TTN: variants seen among roughly 807,000 people sequenced by gnomAD.
TTN encodes titin.
TTN carries 1,525 observed loss-of-function variants against 3,223.0 expected under a neutral mutation model. The observed-to-expected ratio is 0.47, with a 90% CI of 0.45 to 0.49. The LOEUF (loss-of-function observed/expected upper bound fraction) is 0.49, where lower values mean the gene tolerates loss of function less well. Among genes scored for constraint, TTN ranks in the 20% least tolerant of loss-of-function variants. TTN has a pLI of 0.00. For missense variants in TTN, 40,786 were observed against 43,424.0 expected (o/e 0.94, Z 5.40); for synonymous variants, 14,094 against 15,161.0 (o/e 0.93, Z 5.17).
chr2:178,603,653 T>G (rs988623049), intron 282 of TTN, among the ~76,000 whole-genome samples: 2 of 151,992 alleles, frequency 1.3e-5, no homozygotes, highest in Non-Finnish European at 2.9e-5. Flanking sequence ...ATCCAAGAGT[T>G]TACAAACTGT....
intron 42 of TTN, 85 bp downstream of exon 42, chr2:178,764,442 A>T: frequency 6.2e-7 from 1 of 1,611,766 alleles, no homozygotes; most frequent in East Asian, 2.2e-5. Flanking sequence ...ATGAGCTCCA[A>T]ATTGTATTTT....
chr2:178,593,499 G>A (rs376796834), intron 298 of TTN, 24 bp from the exon 299 acceptor site: 59 of 1,599,102 alleles, frequency 3.7e-5, no homozygotes, highest in Middle Eastern at 3.3e-4. Flanking sequence ...TGGAAAATGC[G>A]TTAGAAATTT....
intron 96 of TTN, 98 bp downstream of exon 96, chr2:178,711,846 C>T: frequency 3.5e-6 from 5 of 1,435,820 alleles, no homozygotes; most frequent in Non-Finnish European, 3.7e-6. Context: ...AATTTTAAGC[C>T]TTTGGAAAGA....
At chr2:178,781,923 T>TGTGG (rs2092801682) in intron 20 of TTN, among the ~76,000 whole-genome samples, 1 of 151,882 alleles carries the variant, frequency 6.6e-6, no homozygotes, top group African/African-American at 2.4e-5. Flanking sequence ...TGTGTGTGTG[T>TGTGG]GTGTGTGGGT....
intron 115 of TTN, 40 bp downstream of exon 115, chr2:178,695,307 TG>T: frequency 6.6e-7 from 1 of 1,505,958 alleles, no homozygotes; most frequent in Non-Finnish European, 9.2e-7. Context: ...ATGATAATGA[TG>T]TTGATGCTCT....
rs188878341 is a variant in TTN at position 178,728,975 on chromosome 2, C to G, written c.19063G>C (p.Asp6355His). Reference sequence around the variant, plus strand: ...GTATATCTCCCACTGTGTCCATTATCCACACTTCTGATTTGAAGTGTGGCC... The same window carrying G: ...GTATATCTCCCACTGTGTCCATTATGCACACTTCTGATTTGAAGTGTGGCC... The part of the protein sequence containing the change: ...SVATLQIRSV[D>H]NGHSGRYTCQ... The change falls in exon 65 of 363, where the codon GAT becomes CAT. Residue 6355 changes from aspartate (D) to histidine (H), a missense_variant. Asp to His is a moderately conservative substitution (Grantham distance 81). Transcript: ENST00000589042. 1.2e-6 allele frequency: 2 copies of G among 1,613,092 alleles called. No individual in the cohort carries two copies. The highest frequency in any genetic ancestry group is 2.2e-5 in the South Asian group (2 of 91,022).
In TTN at chr2:178,678,758, G is replaced by A; in HGVS notation, c.33815C>T (p.Pro11272Leu). The part of the protein sequence containing the change: ...PVPVPKKVEA[P>L]PAKVPEVPKK... The stretch of plus-strand genomic sequence containing the variant: ...GCAAGTTCATGTACCTTTGGCAGGT[G>A]GAGCTTCCACCTTTTTAGGAACTGG... The change falls in exon 143 of 363, where the codon CCA (proline) becomes CTA (leucine). Residue 11272 changes from proline to leucine, a missense_variant. By Grantham distance (98) the Pro-to-Leu change is moderately conservative (BLOSUM62 -3). Transcript: ENST00000589042. The A allele has an allele frequency of 1.2e-6, 2 of 1,601,886 alleles. No homozygotes were observed. Among genetic ancestry groups the A allele is most frequent in the East Asian group, 2.3e-5 (1 of 44,318 alleles).
At position 178,553,648 on chromosome 2, in the gene TTN, G is replaced by A. The variant is rs753966916; in HGVS notation, c.89357C>T (p.Thr29786Ile). ...TTCTGTAGTTCTGACCTCTCCTTTG[G>A]TAGAGACAGTAGTCCATTCCTCTTC... ...GEEEEWTTVS[T>I]KGEVRTTEYV... Residue 29786 changes from threonine (T) to isoleucine (I), a missense_variant, in exon 334 of 363, where the codon ACC becomes ATC. Transcript: ENST00000589042. 30 of 1,613,676 alleles carry A rather than the reference G, an allele frequency of 1.9e-5. No individual in the cohort carries two copies. The African/African-American group carries it at 2.9e-4, about 16-fold the overall frequency.
intron 44 of TTN, among the ~76,000 whole-genome samples, chr2:178,758,223 T>C (rs1230597175): frequency 6.6e-6 from 1 of 152,238 alleles, no homozygotes; most frequent in African/African-American, 2.4e-5. Flanking sequence ...AGTCAACTTT[T>C]TAATTTTAAA....
At chr2:178,690,675 T>C (rs2072164708) in intron 121 of TTN, among the ~76,000 whole-genome samples, 1 of 152,206 alleles carries the variant, frequency 6.6e-6, no homozygotes, top group Admixed American at 6.5e-5. Context: ...TTAAATACAA[T>C]ATTGGCAGCT....
intron 156 of TTN, 126 bp downstream of exon 156, chr2:178,670,964 T>G: frequency 1.4e-6 from 1 of 721,628 alleles, no homozygotes; most frequent in Non-Finnish European, 2.2e-6. Flanking sequence ...ATTAGTTTGT[T>G]TTAGACATGT....
chr2:178,736,265 A>G (rs577458860), intron 49 of TTN, among the ~76,000 whole-genome samples, 191 bp from the exon 50 acceptor site: 1 of 152,316 alleles, frequency 6.6e-6, no homozygotes, highest in East Asian at 1.9e-4. Context: ...TTTATAAGGG[A>G]GCAAGACATC....
chr2:178,529,335 A>G (rs892404519), intron 359 of TTN, 116 bp from the exon 360 acceptor site: 2 of 737,312 alleles, frequency 2.7e-6, no homozygotes, highest in African/African-American at 3.6e-5. Context: ...TCTTCATGCA[A>G]TGTAGGTAAT....
At position 178,528,792 on chromosome 2, in the gene TTN, A is replaced by T. The variant is rs369450212; in HGVS notation, c.106959T>A (p.Tyr35653Ter). The change falls in exon 360 of 363, where the codon TAT (tyrosine) becomes TAA (stop). Residue 35653 changes from tyrosine to a stop codon, truncating the protein, a stop_gained. Transcript: ENST00000589042. LOFTEE classifies it high-confidence loss of function. ...VELTNSEEYRYGVSGSDQTLT... is the reference protein window; with the variant it reads ...VELTNSEEYR ...GGGTCTGATCGCTGCCTGAGACACC[A>T]TATCGGTACTCCTCAGAGTTGGTAA... 1 of 1,612,962 alleles carries T rather than the reference A, an allele frequency of 6.2e-7. No individual in the cohort carries two copies. Among genetic ancestry groups the T allele is most frequent in the Non-Finnish European group, 8.5e-7 (1 of 1,179,070 alleles).
At chr2:178,766,750 G>A in intron 40 of TTN, 138 bp from the exon 41 acceptor site, 1 of 699,508 alleles carries the variant, frequency 1.4e-6, no homozygotes, top group Non-Finnish European at 2.5e-6. Context: ...TAAGTTGGCT[G>A]ATTATAGCAC....
intron 209 of TTN, 31 bp downstream of exon 209, chr2:178,650,720 C>T (rs370133648): frequency 6.5e-7 from 1 of 1,549,816 alleles, no homozygotes; most frequent in Admixed American, 1.9e-5. Flanking sequence ...TCGCAAGTGG[C>T]AAGGTCATTA....
rs748604628 is a variant in TTN at position 178,615,387 on chromosome 2, G to A, written c.48558C>T (p.Arg16186=). 6.2e-7 allele frequency: 1 copy of A among 1,612,568 alleles called. No individual in the cohort carries two copies. Among genetic ancestry groups the A allele is most frequent in the Admixed American group, 1.7e-5 (1 of 59,926 alleles). Residue 16186 remains arginine, a synonymous_variant, in exon 259 of 363, where the codon CGC becomes CGT. Coordinates refer to ENST00000589042, the MANE Select transcript of TTN (RefSeq NM_001267550.2). ...ATCTTTCAACTATATATCCTTTGAT[G>A]CGTGAACCACCATCATTTTTAGGTG... ...WDPPKNDGGS[R]IKGYIVERCP...
chr2:178,710,921 C>T lies in TTN; in HGVS notation c.28176G>A (p.Glu9392=), dbSNP rs1370444873. The change falls in exon 98 of 363, where the codon GAG becomes GAA. Residue 9392 remains glutamate, a splice_region_variant and synonymous_variant. Coordinates refer to ENST00000589042, the MANE Select transcript of TTN (RefSeq NM_001267550.2). ...TGTCAAAGAAGGGTGGGTTCTTCCC[C>T]TCTAATAGTAGAGCAGAAAGACAAG... ...ASSSARLILT[E]GKNPPFFDIR... 2 of 1,610,358 alleles carry T rather than the reference C, an allele frequency of 1.2e-6. No individual in the cohort carries two copies. Among genetic ancestry groups the T allele is most frequent in the South Asian group, 1.1e-5 (1 of 90,858 alleles).
In TTN at chr2:178,750,271, T is replaced by C. The variant is rs727503669; in HGVS notation, c.11311+2853A>G. 116 of 1,613,230 alleles carry C rather than the reference T, an allele frequency of 7.2e-5. No homozygotes were observed. The highest frequency in any genetic ancestry group is 9.4e-5 in the Non-Finnish European group (111 of 1,179,544). On this transcript the variant is annotated intron_variant, in intron 47 of 362. Coordinates refer to ENST00000589042, the MANE Select transcript of TTN (RefSeq NM_001267550.2). ...AGTCATGGAACACTGGGACTTTATG[T>C]GCTTTGACATCATGTTTTTGTTTTG...
Sources: gnomAD v4.1 joint callset for allele counts (sites outside exome capture counted in the v4.1 genomes callset) on GRCh38, gnomAD v4.1.1 for gene constraint, MANE v1.5 for transcripts, NCBI Gene and HGNC (gene_info 2026-07-23, HGNC 2026-07-21) for gene names.